Variants in HCN1 observed in about 807,000 individuals in gnomAD.
The protein encoded by HCN1 is potassium/sodium hyperpolarization-activated cyclic nucleotide-gated channel 1.
A neutral mutation model predicts 78.9 loss-of-function variants in HCN1; 13 were observed. The observed-to-expected ratio is 0.16, with a 90% confidence interval of 0.11 to 0.26. The LOEUF is 0.26. Among genes scored for constraint, HCN1 ranks in the 10% least tolerant of loss-of-function variants. The probability of loss-of-function intolerance (pLI) is 1.00; values close to 1 mark genes in which losing one functional copy is unlikely to be tolerated. For missense variants in HCN1, 810 were observed against 1,154.3 expected, an observed-to-expected ratio of 0.70 and a Z score of 4.32; for synonymous variants, 552 against 455.5, an observed-to-expected ratio of 1.21 and a Z score of -2.70.
chr5:45,398,138 T>C (rs1333408123), intron 3 of HCN1, among the ~76,000 whole-genome samples: 1 of 152,082 alleles, frequency 6.6e-6, no homozygotes, highest in African/African-American at 2.4e-5. Flanking sequence ...ATGATTTTCA[T>C]AGAACAACTT....
intron 1 of HCN1, among the ~76,000 whole-genome samples, chr5:45,668,959 C>A (rs1746101498): frequency 6.6e-6 from 1 of 151,784 alleles, no homozygotes; most frequent in Admixed American, 6.6e-5. Context: ...AGTACTATGG[C>A]ATAGTTGAAA....
At chr5:45,527,053 C>A (rs1182125938) in intron 2 of HCN1, among the ~76,000 whole-genome samples, 1 of 134,584 alleles carries the variant, frequency 7.4e-6, no homozygotes, top group African/African-American at 2.8e-5. Context: ...TTTTCTCCCT[C>A]TTTCTCTCTC....
At chr5:45,331,329 C>A (rs1746340292) in intron 5 of HCN1, among the ~76,000 whole-genome samples, 1 of 151,192 alleles carries the variant, frequency 6.6e-6, no homozygotes, top group Non-Finnish European at 1.5e-5. Context: ...ACCAACACAG[C>A]TTCCTAGGGA....
chr5:45,657,693 G>A (rs1003210968), intron 1 of HCN1, among the ~76,000 whole-genome samples: 2 of 152,000 alleles, frequency 1.3e-5, no homozygotes, highest in Non-Finnish European at 1.5e-5. Context: ...GGGATGTGAA[G>A]GACCTCTTTA....
intron 3 of HCN1, among the ~76,000 whole-genome samples, chr5:45,424,539 A>G (rs1038951054): frequency 6.6e-6 from 1 of 152,170 alleles, no homozygotes; most frequent in Non-Finnish European, 1.5e-5. Context: ...ATTTGCCAAA[A>G]TGTTCCAAAA....
chr5:45,647,155 C>A (rs923847990), intron 1 of HCN1, among the ~76,000 whole-genome samples: 4 of 152,138 alleles, frequency 2.6e-5, no homozygotes, highest in Non-Finnish European at 4.4e-5. Flanking sequence ...AAGATTTCAC[C>A]AGTATTTCTG....
intron 2 of HCN1, among the ~76,000 whole-genome samples, chr5:45,608,315 A>G (rs939276265): frequency 6.6e-6 from 1 of 151,400 alleles, no homozygotes; most frequent in African/African-American, 2.4e-5. Flanking sequence ...CAATAAATTC[A>G]TTACAATTTT....
At chr5:45,345,373 G>A (rs1000098139) in intron 5 of HCN1, among the ~76,000 whole-genome samples, 6 of 152,140 alleles carry the variant, frequency 3.9e-5, no homozygotes. Context: ...AACATCCAAC[G>A]CCTTGTCACT....
At chr5:45,340,499 T>C (rs1746554331) in intron 5 of HCN1, among the ~76,000 whole-genome samples, 2 of 152,196 alleles carry the variant, frequency 1.3e-5, no homozygotes, top group African/African-American at 4.8e-5. Flanking sequence ...TACTGTCTGT[T>C]GGATTACCTT....
intron 3 of HCN1, among the ~76,000 whole-genome samples, chr5:45,438,447 C>A (rs139535335): frequency 2.0e-5 from 3 of 151,770 alleles, no homozygotes; most frequent in Non-Finnish European, 4.4e-5. Context: ...AAAAAATTAG[C>A]GGGCGTGGTG....
chr5:45,302,283 C>T (rs1745642633), intron 6 of HCN1, among the ~76,000 whole-genome samples: 1 of 151,966 alleles, frequency 6.6e-6, no homozygotes, highest in African/African-American at 2.4e-5. Flanking sequence ...GTTTAAGTTT[C>T]CCCTGTGCTT....
At chr5:45,564,271 T>A (rs905041163) in intron 2 of HCN1, among the ~76,000 whole-genome samples, 4 of 152,002 alleles carry the variant, frequency 2.6e-5, no homozygotes, top group Non-Finnish European at 4.4e-5. Context: ...AAGCTTTTTT[T>A]TTTTTTTGAG....
In HCN1 at chr5:45,585,432, A is replaced by AT. The variant is rs1021363685; in HGVS notation, c.849+59752dup. 5.3e-5 allele frequency among the ~76,000 whole-genome samples: 8 copies of AT among 151,822 alleles called. No homozygotes were observed. The South Asian group carries it at 8.3e-4, about 16-fold the overall frequency. Reference sequence around the variant, plus strand: ...ATTATTCTAGTTAGCCATTCGTCTAATTTTTTTTCAAGGTTTTTAACTTCT... The same window carrying AT: ...ATTATTCTAGTTAGCCATTCGTCTAATTTTTTTTTCAAGGTTTTTAACTTCT... On this transcript the variant is annotated intron_variant, in intron 2 of 7. Transcript: ENST00000303230.
At chr5:45,691,863 A>C (rs1739919371) in intron 1 of HCN1, among the ~76,000 whole-genome samples, 1 of 152,212 alleles carries the variant, frequency 6.6e-6, no homozygotes. Context: ...GCAGAGATGG[A>C]AGAACGGATG....
At chr5:45,443,447 G>T (rs1176599540) in intron 3 of HCN1, among the ~76,000 whole-genome samples, 1 of 152,002 alleles carries the variant, frequency 6.6e-6, no homozygotes, top group Non-Finnish European at 1.5e-5. Flanking sequence ...ATTTCATACA[G>T]ATTTAACTCT....
chr5:45,345,579 T>A (rs1055676979), intron 5 of HCN1, among the ~76,000 whole-genome samples: 1 of 152,202 alleles, frequency 6.6e-6, no homozygotes, highest in African/African-American at 2.4e-5. Flanking sequence ...AAGATCTCTA[T>A]GGCAGGGGCA....
rs547782068 is a variant in HCN1, at chr5:45,666,605, T to G, written c.426-20997A>C. Among the ~76,000 whole-genome samples, 10 of 152,190 alleles carry G rather than the reference T, an allele frequency of 6.6e-5. 1 individual carries two copies. The highest frequency in any genetic ancestry group is 2.4e-4 in the African/African-American group (10 of 41,552). ...CATATACATAAAATATTTTGTATTT[T>G]TGTATGTATGTGGATAATTGTTTTT... On this transcript the variant is annotated intron_variant, in intron 1 of 7. Transcript: ENST00000303230.
At chr5:45,510,811 T>C (rs1742400770) in intron 2 of HCN1, among the ~76,000 whole-genome samples, 1 of 152,076 alleles carries the variant, frequency 6.6e-6, no homozygotes, top group Non-Finnish European at 1.5e-5. Flanking sequence ...AGTTACTTAA[T>C]GATATCTGTT....
chr5:45,601,431 T>G (rs1051328068), intron 2 of HCN1, among the ~76,000 whole-genome samples: 18 of 152,150 alleles, frequency 1.2e-4, no homozygotes, highest in Admixed American at 5.2e-4. Context: ...CCATTGACCT[T>G]TGGGGCCTGT....
Sources: allele counts gnomAD v4.1 joint callset (sites outside exome capture counted in the v4.1 genomes callset), GRCh38; gene constraint gnomAD v4.1.1; transcripts MANE v1.5; gene names NCBI Gene and HGNC (gene_info 2026-07-23, HGNC 2026-07-21).